DIAPH2: variants seen among roughly 807,000 people sequenced by gnomAD.
DIAPH2 encodes diaphanous related formin 2.
DIAPH2 carries 35 observed loss-of-function variants against 92.7 expected under a neutral mutation model. The observed-to-expected ratio is 0.38, with a 90% confidence interval of 0.29 to 0.50. The LOEUF is 0.50. Among genes scored for constraint, DIAPH2 ranks in the 20% least tolerant of loss-of-function variants. DIAPH2 has a pLI of 0.94. For synonymous variants in DIAPH2, 301 were observed against 280.4 expected, an observed-to-expected ratio of 1.07 and a Z score of -0.73; for missense variants, 701 against 819.5, an observed-to-expected ratio of 0.86 and a Z score of 1.77.
At position 96,718,364 on chromosome X, in the gene DIAPH2, T is replaced by G. The variant is rs1168166525; in HGVS notation, c.133-17394T>G. ...TTTTTTTTTTTTTTTTTTTTTTTTT[T>G]TTTTTTTTTTATGGTGTCTCATTCT... On this transcript the variant is annotated intron_variant, in intron 1 of 26. Coordinates refer to ENST00000324765, the MANE Select transcript of DIAPH2 (RefSeq NM_006729.5). Among the ~76,000 whole-genome samples, 164 of 74,685 alleles carry G rather than the reference T, an allele frequency of 2.2e-3. 1 individual carries two copies. The highest frequency in any genetic ancestry group is 7.4e-3 in the African/African-American group (152 of 20,670). 64.9% of individuals were successfully genotyped at this position (74,685 alleles called of 115,157 possible).
intron 22 of DIAPH2, among the ~76,000 whole-genome samples, chrX:97,142,442 G>C (rs2147410733): frequency 9.0e-6 from 1 of 111,407 alleles, no homozygotes; most frequent in South Asian, 3.8e-4. Flanking sequence ...TGAAGGGAAT[G>C]GTTGACTCTG....
At chrX:97,453,989 T>A (rs1402172150) in intron 26 of DIAPH2, 1 of 111,834 alleles carries the variant, frequency 8.9e-6, no homozygotes, top group African/African-American at 3.3e-5. Flanking sequence ...CTGGAAATGC[T>A]ATCTATCTCT....
Position 97,601,199 on chromosome X carries a change from A to ATTCT in DIAPH2, c.*1885_*1888dup, listed in dbSNP as rs1379144029. The stretch of plus-strand genomic sequence containing the variant: ...AAATCTTCGTGGTATGGCTTTTTTA[A>ATTCT]TTCTTTTGACAGCTTATCAGTCTGT... On this transcript the variant is annotated 3_prime_UTR_variant, in exon 27 of 27. Transcript: ENST00000324765. The ATTCT allele has an allele frequency of 4.5e-5, 5 of 111,898 alleles. No individual in the cohort carries two copies. The highest frequency in any genetic ancestry group is 9.4e-5 in the Non-Finnish European group (5 of 53,099). 9.2% of individuals were successfully genotyped at this position (111,898 alleles called of 1,213,427 possible).
intron 26 of DIAPH2, among the ~76,000 whole-genome samples, chrX:97,458,043 A>G (rs1212634733): frequency 1.8e-5 from 2 of 111,776 alleles, no homozygotes; most frequent in East Asian, 5.6e-4. Context: ...GAGAGAAAGC[A>G]AAGAGGAAAC....
At chrX:97,346,684 T>C (rs954690253) in intron 23 of DIAPH2, among the ~76,000 whole-genome samples, 2 of 111,594 alleles carry the variant, frequency 1.8e-5, no homozygotes, top group African/African-American at 6.5e-5. Flanking sequence ...TAGGGAAATA[T>C]AATCAGGCAA....
chrX:97,448,849 G>A (rs1200390595), intron 26 of DIAPH2, among the ~76,000 whole-genome samples: 1 of 111,691 alleles, frequency 9.0e-6, no homozygotes, highest in African/African-American at 3.2e-5. Context: ...TATGTTAACT[G>A]TACCAATGAT....
intron 26 of DIAPH2, among the ~76,000 whole-genome samples, chrX:97,503,848 C>CT (rs1268211324): frequency 8.9e-6 from 1 of 111,964 alleles, no homozygotes; most frequent in East Asian, 2.8e-4. Flanking sequence ...AAAAACAATT[C>CT]TTTTTATGGG....
intron 26 of DIAPH2, among the ~76,000 whole-genome samples, chrX:97,542,651 C>A (rs1372400442): frequency 4.5e-5 from 5 of 111,484 alleles, no homozygotes; most frequent in African/African-American, 1.6e-4. Context: ...GATGGATTAG[C>A]TTTTTGCCCT....
chrX:97,433,382 G>A (rs1025123609), intron 26 of DIAPH2, among the ~76,000 whole-genome samples: 29 of 110,639 alleles, frequency 2.6e-4, no homozygotes, highest in African/African-American at 8.6e-4. Context: ...CAAGCATGGT[G>A]GCATGTGCCT....
intron 24 of DIAPH2, among the ~76,000 whole-genome samples, chrX:97,349,368 C>T (rs956342851): frequency 2.7e-5 from 3 of 110,776 alleles, no homozygotes; most frequent in Non-Finnish European, 5.7e-5. Flanking sequence ...GGATTACAGG[C>T]GTGAGGACCT....
chrX:97,183,889 A>G (rs752207704), intron 22 of DIAPH2, among the ~76,000 whole-genome samples: 2 of 112,470 alleles, frequency 1.8e-5, no homozygotes, highest in East Asian at 5.5e-4. Flanking sequence ...TATGGAACTG[A>G]ATGCACTAAT....
At chrX:97,331,178 T>A (rs1469042344) in intron 23 of DIAPH2, among the ~76,000 whole-genome samples, 1 of 111,573 alleles carries the variant, frequency 9.0e-6, no homozygotes, top group East Asian at 2.8e-4. Flanking sequence ...TTTGTTTTCC[T>A]CAAGCAGAAA....
intron 26 of DIAPH2, among the ~76,000 whole-genome samples, chrX:97,494,154 C>A (rs2070743247): frequency 9.6e-6 from 1 of 104,399 alleles, no homozygotes. Context: ...TGTATACACA[C>A]ACACACACAG....
At chrX:97,351,510 C>A (rs758521847) in intron 24 of DIAPH2, among the ~76,000 whole-genome samples, 1 of 112,100 alleles carries the variant, frequency 8.9e-6, no homozygotes, top group African/African-American at 3.2e-5. Context: ...GCCAGAGAGG[C>A]CTTCATAGAA....
chrX:96,836,523 T>C (rs1427350083), intron 4 of DIAPH2, among the ~76,000 whole-genome samples: 1 of 105,810 alleles, frequency 9.5e-6, no homozygotes, highest in Non-Finnish European at 1.9e-5. Flanking sequence ...TATTCTTCCT[T>C]CCTCTGATAG....
intron 4 of DIAPH2, among the ~76,000 whole-genome samples, chrX:96,815,554 A>G (rs987352702): frequency 1.8e-4 from 20 of 112,236 alleles, no homozygotes; most frequent in African/African-American, 6.1e-4. Context: ...AGCAGTCCCA[A>G]TGAGATGAAC....
chrX:97,275,899 C>G (rs5921759), intron 23 of DIAPH2, among the ~76,000 whole-genome samples: 2,035 of 112,597 alleles, frequency 0.018, 14 homozygotes, highest in Middle Eastern at 0.041. Flanking sequence ...AGGCTGCAAT[C>G]TCCGCACTTT....
In DIAPH2 at chrX:97,247,733, A is replaced by C; in HGVS notation, c.2738A>C (p.Lys913Thr). ...SASKVSAQIL[K>T]SNLASMEQQI... ...TCTTTAGTTTCAGCTCAAATTCTCA[A>C]GAGCAACCTTGCATCAATGGAACAA... is the stretch of plus-strand genomic sequence containing the variant. The change falls in exon 23 of 27, where the codon AAG becomes ACG. Residue 913 changes from lysine to threonine, a missense_variant. Around this residue, in one of 3 missense-constraint regions of DIAPH2, gnomAD observed 536 missense variants for 599.3 expected, o/e 0.89. Coordinates refer to ENST00000324765, the MANE Select transcript of DIAPH2 (RefSeq NM_006729.5). The C allele has an allele frequency of 8.3e-7, 1 of 1,202,983 alleles. No individual in the cohort carries two copies. The highest frequency in any genetic ancestry group is 1.1e-6 in the Non-Finnish European group (1 of 890,722).
chrX:97,600,906 G>A lies in DIAPH2; in HGVS notation c.*1589G>A, dbSNP rs1452752277. On this transcript the variant is annotated 3_prime_UTR_variant, in exon 27 of 27. Coordinates refer to ENST00000324765, the MANE Select transcript of DIAPH2 (RefSeq NM_006729.5). ...TATAATGATTCAAACTGCTGCCTTT[G>A]CCTCCAGTGCATCCTTACTTAGGTA... The A allele has an allele frequency of 3.6e-5, 4 of 111,598 alleles. No homozygotes were observed. Among genetic ancestry groups the A allele is most frequent in the Non-Finnish European group, 7.5e-5 (4 of 53,077 alleles). 9.2% of individuals were successfully genotyped at this position (111,598 alleles called of 1,213,427 possible).
Sources: allele counts gnomAD v4.1 joint callset (sites outside exome capture counted in the v4.1 genomes callset), GRCh38; gene constraint gnomAD v4.1.1; regional missense constraint gnomAD v4.1.1; transcripts MANE v1.5; gene names NCBI Gene and HGNC (gene_info 2026-07-23, HGNC 2026-07-21).